PKHD1L1: variants seen among roughly 807,000 people sequenced by gnomAD.
PKHD1L1 encodes the protein fibrocystin-L.
Under a neutral mutation model 462.9 loss-of-function variants are expected in PKHD1L1, and 434 were observed. The observed-to-expected ratio is 0.94, with a 90% CI of 0.87 to 1.02. The LOEUF is 1.02. Among genes scored for constraint, PKHD1L1 ranks in the 50% least tolerant of loss-of-function variants. The pLI is 0.00. For synonymous variants in PKHD1L1, 1,781 were observed against 1,750.0 expected (o/e 1.02, Z -0.44); for missense variants, 5,202 against 5,096.1 (o/e 1.02, Z -0.63).
At chr8:109,481,879 C>T (rs149036365) in intron 56 of PKHD1L1, among the ~76,000 whole-genome samples, 3 of 151,874 alleles carry the variant, frequency 2.0e-5, no homozygotes, top group Admixed American at 1.3e-4. Flanking sequence ...TTTTTCCAAT[C>T]TGGTTTTCTT....
At chr8:109,486,869 T>A in intron 59 of PKHD1L1, 48 bp downstream of exon 59, 1 of 1,532,590 alleles carries the variant, frequency 6.5e-7, no homozygotes, top group Non-Finnish European at 8.9e-7. Context: ...TAACATTATC[T>A]CATCTATATG....
Position 109,443,892 on chromosome 8 carries a change from G to C in PKHD1L1, c.4781G>C (p.Trp1594Ser). ...IIGHGFSNLP[W>S]ANKVTIGSYP... ...GGACATGGCTTTAGTAATCTCCCATGGGCTAATAAGGTAAGAATATAAATA... is the reference window on the plus strand; with the variant it reads ...GGACATGGCTTTAGTAATCTCCCATCGGCTAATAAGGTAAGAATATAAATA... The change falls in exon 37 of 78, where the codon TGG becomes TCG. Residue 1594 changes from tryptophan (W) to serine (S), a missense_variant. Trp to Ser is a radical substitution (Grantham distance 177). Coordinates refer to ENST00000378402, the MANE Select transcript of PKHD1L1 (RefSeq NM_177531.6). 1 of 1,604,844 alleles carries C rather than the reference G, an allele frequency of 6.2e-7. No homozygotes were observed. The highest frequency in any genetic ancestry group is 2.2e-5 in the East Asian group (1 of 44,828).
Position 109,523,332 on chromosome 8 carries a change from A to G in PKHD1L1, c.12430A>G (p.Ile4144Val). The change falls in exon 76 of 78, where the codon ATT becomes GTT. Residue 4144 changes from isoleucine to valine, a missense_variant. This residue lies in a region of PKHD1L1 where 698 missense variants were observed against 736.3 expected (regional missense o/e 0.95). Transcript: ENST00000378402. ...QVNGLSGNTTIPFSSCWANYT... is the reference protein window; with the variant it reads ...QVNGLSGNTTVPFSSCWANYT... The stretch of plus-strand genomic sequence containing the variant: ...CAATGGCCTTAGTGGAAATACAACA[A>G]TTCCGTTTAGCAGCTGTTGGGCCAA... The G allele has an allele frequency of 6.2e-7, 1 of 1,613,348 alleles. No homozygotes were observed. Among genetic ancestry groups the G allele is most frequent in the Non-Finnish European group, 8.5e-7 (1 of 1,179,502 alleles).
At chr8:109,493,107 G>T (rs1818913672) in intron 62 of PKHD1L1, among the ~76,000 whole-genome samples, 1 of 150,828 alleles carries the variant, frequency 6.6e-6, no homozygotes, top group Admixed American at 6.6e-5. Context: ...TGAGTTAAGA[G>T]GATTGCTTAA....
intron 63 of PKHD1L1, among the ~76,000 whole-genome samples, chr8:109,496,194 C>T (rs1191260615): frequency 6.6e-6 from 1 of 152,132 alleles, no homozygotes; most frequent in Non-Finnish European, 1.5e-5. Context: ...GGTGCAATGT[C>T]TTCTGTCATG....
At position 109,388,686 on chromosome 8, in the gene PKHD1L1, G is replaced by A. The variant is rs116735856; in HGVS notation, c.623+136G>A. ...TATAAATTATAATATTCCACATAGCGCATTAGCAATCATTTTTACAGTTAG... is the reference window on the plus strand; with the variant it reads ...TATAAATTATAATATTCCACATAGCACATTAGCAATCATTTTTACAGTTAG... On this transcript the variant is annotated intron_variant, in intron 7 of 77. Coordinates refer to ENST00000378402, the MANE Select transcript of PKHD1L1 (RefSeq NM_177531.6). 1,729 of 655,322 alleles carry A rather than the reference G, an allele frequency of 2.6e-3. 22 individuals carry two copies. In the African/African-American group the frequency reaches 0.029, roughly 11 times the overall value. 40.6% of individuals were successfully genotyped at this position (655,322 alleles called of 1,614,324 possible).
At chr8:109,379,250 C>A (rs1352330776) in intron 2 of PKHD1L1, among the ~76,000 whole-genome samples, 1 of 152,224 alleles carries the variant, frequency 6.6e-6, no homozygotes, top group Non-Finnish European at 1.5e-5. Context: ...CAGAGATCGA[C>A]TGCTACCGGA....
In PKHD1L1 at chr8:109,429,340, A is replaced by G. The variant is rs757169987; in HGVS notation, c.3001A>G (p.Ile1001Val). ...STCGKQNLLQ[I>V]NDSNIIGEKA... ...GTAAAATAATTGTGTGTAAAAATAG[A>G]TTAATGATTCCAACATTATTGGAGA... Residue 1001 changes from isoleucine to valine, a missense_variant and splice_region_variant, in exon 26 of 78, where the codon ATT becomes GTT. Ile to Val is a conservative substitution (Grantham distance 29, BLOSUM62 3). Coordinates refer to ENST00000378402, the MANE Select transcript of PKHD1L1 (RefSeq NM_177531.6). 4.7e-6 allele frequency: 7 copies of G among 1,504,018 alleles called. No homozygotes were observed. In the South Asian group the frequency reaches 8.4e-5, roughly 18 times the overall value. 93.2% of individuals were successfully genotyped at this position (1,504,018 alleles called of 1,614,324 possible).
In PKHD1L1 at chr8:109,486,807, T is replaced by C; in HGVS notation, c.9866T>C (p.Met3289Thr). 1.9e-6 allele frequency: 3 copies of C among 1,611,872 alleles called. No homozygotes were observed. Among genetic ancestry groups the C allele is most frequent in the Middle Eastern group, 1.7e-4 (1 of 6,038 alleles). ...CTGGTTGGCTCATTCACTGAAAATA[T>C]GATGACATTTAAAGGTTGGTATCAA... ...RVLVGSFTEN[M>T]MTFKGNARIS... Residue 3289 changes from methionine (M) to threonine (T), a missense_variant, in exon 59 of 78, where the codon ATG (methionine) becomes ACG (threonine). By Grantham distance (81) the Met-to-Thr change is moderately conservative. Transcript: ENST00000378402.
intron 2 of PKHD1L1, among the ~76,000 whole-genome samples, chr8:109,376,203 G>A (rs1242854556): frequency 6.6e-6 from 1 of 152,350 alleles, no homozygotes; most frequent in African/African-American, 2.4e-5. Context: ...GGCATTGGTG[G>A]GTGCCCCTCC....
At chr8:109,379,711 G>T (rs1812013540) in intron 2 of PKHD1L1, among the ~76,000 whole-genome samples, 1 of 152,190 alleles carries the variant, frequency 6.6e-6, no homozygotes, top group African/African-American at 2.4e-5. Flanking sequence ...TGCTGGATTT[G>T]TGGTCTTAGT....
intron 4 of PKHD1L1, among the ~76,000 whole-genome samples, chr8:109,383,057 T>G (rs1812208414): frequency 1.6e-5 from 2 of 128,350 alleles, no homozygotes; most frequent in Non-Finnish European, 3.3e-5. Flanking sequence ...GTTATATATA[T>G]AAATAATTAT....
chr8:109,490,309 T>C (rs1024994740), intron 60 of PKHD1L1, among the ~76,000 whole-genome samples: 1 of 151,722 alleles, frequency 6.6e-6, no homozygotes, highest in Admixed American at 6.6e-5. Flanking sequence ...TCTATAATAG[T>C]GGTTTATATA....
At chr8:109,459,486 T>C (rs2130812871) in intron 46 of PKHD1L1, 109 bp from the exon 47 acceptor site, 1 of 777,284 alleles carries the variant, frequency 1.3e-6, no homozygotes, top group African/African-American at 1.8e-5. Flanking sequence ...GACATAAGAA[T>C]AGTTTCCTAT....
chr8:109,376,602 G>C (rs2130381286), intron 2 of PKHD1L1, among the ~76,000 whole-genome samples: 1 of 152,288 alleles, frequency 6.6e-6, no homozygotes, highest in South Asian at 2.1e-4. Context: ...CATGCTGGGA[G>C]CTGTAGACTG....
chr8:109,508,713 A>G (rs988508107), intron 70 of PKHD1L1, among the ~76,000 whole-genome samples: 1 of 152,182 alleles, frequency 6.6e-6, no homozygotes, highest in Non-Finnish European at 1.5e-5. Context: ...TTTTATGCTC[A>G]TGAATCTTTG....
At chr8:109,449,511 G>C in intron 40 of PKHD1L1, 24 bp downstream of exon 40, 2 of 1,547,578 alleles carry the variant, frequency 1.3e-6, no homozygotes, top group Non-Finnish European at 1.7e-6. Context: ...AAAAGTAATG[G>C]CAGTCTTTGA....
intron 22 of PKHD1L1, 70 bp from the exon 23 acceptor site, chr8:109,420,448 G>C: frequency 1.0e-6 from 1 of 989,524 alleles, no homozygotes; most frequent in Non-Finnish European, 1.4e-6. Flanking sequence ...TCCTCTATTA[G>C]GTTAATTTTA....
Position 109,400,252 on chromosome 8 carries a change from G to C in PKHD1L1, c.1189G>C (p.Val397Leu), listed in dbSNP as rs779697232. The C allele has an allele frequency of 9.3e-6, 15 of 1,613,510 alleles. No individual in the cohort carries two copies. Among genetic ancestry groups the C allele is most frequent in the Non-Finnish European group, 1.3e-5 (15 of 1,179,684 alleles). The change falls in exon 13 of 78, where the codon GTG becomes CTG. Residue 397 changes from valine (V) to leucine (L), a missense_variant. Val to Leu is a conservative substitution (Grantham distance 32). Coordinates refer to ENST00000378402, the MANE Select transcript of PKHD1L1 (RefSeq NM_177531.6). ...TFVARFSGFL[V>L]APDSDVYRFY... The stretch of plus-strand genomic sequence containing the variant: ...TGTTGCACGCTTTAGTGGATTTTTG[G>C]TGGCTCCAGATTCTGATGTTTATAG...
Sources: allele counts gnomAD v4.1 joint callset (sites outside exome capture counted in the v4.1 genomes callset), GRCh38; gene constraint gnomAD v4.1.1; regional missense constraint gnomAD v4.1.1; transcripts MANE v1.5; gene names NCBI Gene and HGNC (gene_info 2026-07-23, HGNC 2026-07-21).